Variants in HSD17B6 observed in about 807,000 individuals in gnomAD.
HSD17B6 encodes 17-beta-hydroxysteroid dehydrogenase type 6.
HSD17B6 carries 16 observed loss-of-function variants against 26.4 expected under a neutral mutation model. That is an observed-to-expected ratio of 0.61 (90% CI 0.41 to 0.92). The LOEUF is 0.92. Ranked by LOEUF, HSD17B6 falls within the 40% of genes least tolerant of loss-of-function variation. The pLI, the probability that HSD17B6 is intolerant of heterozygous loss-of-function variation, is 0.00. For missense variants in HSD17B6, 357 were observed against 386.1 expected, an observed-to-expected ratio of 0.92 and a Z score of 0.63; for synonymous variants, 139 against 153.0, an observed-to-expected ratio of 0.91 and a Z score of 0.68.
chr12:56,773,427 T>G (rs1160556169), intron 1 of HSD17B6, among the ~76,000 whole-genome samples: 1 of 152,232 alleles, frequency 6.6e-6, no homozygotes, highest in Non-Finnish European at 1.5e-5. Context: ...TCTGCACTCA[T>G]GCAGAATTGT....
chr12:56,778,348 C>A (rs1019363257), intron 2 of HSD17B6, among the ~76,000 whole-genome samples: 3 of 152,106 alleles, frequency 2.0e-5, no homozygotes, highest in African/African-American at 4.8e-5. Context: ...AGTGCAGTGG[C>A]GCGATCTCAG....
At chr12:56,770,916 G>T (rs1419022111) in intron 1 of HSD17B6, among the ~76,000 whole-genome samples, 6 of 152,138 alleles carry the variant, frequency 3.9e-5, no homozygotes, top group Non-Finnish European at 5.9e-5. Flanking sequence ...CAGCCATTGA[G>T]GTGCATTGCT....
intron 2 of HSD17B6, among the ~76,000 whole-genome samples, chr12:56,774,701 G>A (rs181107348): frequency 1.3e-3 from 200 of 152,272 alleles, no homozygotes; most frequent in African/African-American, 4.7e-3. Flanking sequence ...CAGATCATCA[G>A]GCATTAGATT....
intron 3 of HSD17B6, among the ~76,000 whole-genome samples, chr12:56,784,503 C>T (rs150884945): frequency 2.0e-5 from 3 of 152,188 alleles, no homozygotes; most frequent in Admixed American, 6.5e-5. Flanking sequence ...AGTGAAACCC[C>T]GTCTCCACCA....
In HSD17B6 at chr12:56,773,983, T is replaced by C. The variant is rs144123066; in HGVS notation, c.131T>C (p.Leu44Pro). 1 of 1,613,996 alleles carries C rather than the reference T, an allele frequency of 6.2e-7. No homozygotes were observed. Among genetic ancestry groups the C allele is most frequent in the Non-Finnish European group, 8.5e-7 (1 of 1,180,010 alleles). ...ITGCDSGFGNLLARQLDARGL... is the reference protein window; with the variant it reads ...ITGCDSGFGNPLARQLDARGL... ...GGCTGTGACTCGGGCTTTGGGAACC[T>C]GCTGGCCAGACAGCTGGATGCACGA... is the stretch of plus-strand genomic sequence containing the variant. Residue 44 changes from leucine (L) to proline (P), a missense_variant, in exon 2 of 5, where the codon CTG (leucine) becomes CCG (proline). Physicochemically the swap from Leu to Pro is moderately conservative, Grantham distance 98. Coordinates refer to ENST00000322165, the MANE Select transcript of HSD17B6 (RefSeq NM_003725.4).
rs1274159325 is a variant in HSD17B6, at chr12:56,785,017, G to A, written c.736+1G>A. On this transcript the variant is annotated splice_donor_variant, in intron 4 of 4. Transcript: ENST00000322165. LOFTEE classifies it high-confidence loss of function. ...TATGGACAGCAGTATTTTGATGCCC[G>A]TAAGCTTTTTTCTTTTGATAGGGAT... The A allele has an allele frequency of 8.7e-6, 14 of 1,606,598 alleles. No homozygotes were observed. The highest frequency in any genetic ancestry group is 3.5e-5 in the Admixed American group (2 of 57,684).
chr12:56,777,387 G>A (rs1306069733), intron 2 of HSD17B6, among the ~76,000 whole-genome samples: 1 of 78,698 alleles, frequency 1.3e-5, no homozygotes, highest in Non-Finnish European at 2.5e-5. Context: ...TTTTGGAAAT[G>A]GAGTTTTGCT....
At chr12:56,778,702 TCTCA>T (rs1444664275) in intron 2 of HSD17B6, among the ~76,000 whole-genome samples, 3 of 141,580 alleles carry the variant, frequency 2.1e-5, no homozygotes, top group Non-Finnish European at 4.6e-5. Context: ...TGAGACGGAG[TCTCA>T]CTCAGTCGCC....
At chr12:56,769,066 T>G (rs1954409786) in intron 1 of HSD17B6, among the ~76,000 whole-genome samples, 1 of 145,798 alleles carries the variant, frequency 6.9e-6, no homozygotes, top group African/African-American at 2.5e-5. Flanking sequence ...AAAGATAGGA[T>G]GGGGCTGTGC....
intron 3 of HSD17B6, among the ~76,000 whole-genome samples, chr12:56,783,315 G>C (rs1311551748): frequency 3.2e-4 from 45 of 139,498 alleles, no homozygotes; most frequent in African/African-American, 1.0e-3. Context: ...CAGGCGGGGG[G>C]CTGAGCCCCC....
At chr12:56,768,641 G>C (rs991939551) in intron 1 of HSD17B6, among the ~76,000 whole-genome samples, 14 of 151,956 alleles carry the variant, frequency 9.2e-5, no homozygotes, top group Non-Finnish European at 1.5e-5. Flanking sequence ...TGGAAGGAGA[G>C]CTAGGTAAAC....
chr12:56,779,592 C>T (rs530546822), intron 2 of HSD17B6, among the ~76,000 whole-genome samples: 1 of 151,924 alleles, frequency 6.6e-6, no homozygotes, highest in Non-Finnish European at 1.5e-5. Flanking sequence ...TTCTCTATTT[C>T]TGTTTCCCTA....
chr12:56,773,707 T>A, intron 1 of HSD17B6, 127 bp from the exon 2 acceptor site: 1 of 873,832 alleles, frequency 1.1e-6, no homozygotes. Context: ...CCCTTGAGGG[T>A]AGGACTAAGT....
At chr12:56,772,874 A>C (rs1954509221) in intron 1 of HSD17B6, among the ~76,000 whole-genome samples, 1 of 152,144 alleles carries the variant, frequency 6.6e-6, no homozygotes, top group Admixed American at 6.6e-5. Flanking sequence ...AAGTAGCCAG[A>C]GTGCTGGGGA....
At chr12:56,777,944 C>A (rs190166060) in intron 2 of HSD17B6, among the ~76,000 whole-genome samples, 57 of 152,212 alleles carry the variant, frequency 3.7e-4, no homozygotes, top group African/African-American at 1.4e-3. Flanking sequence ...TAGTTATAGT[C>A]TCTTTGCTGT....
chr12:56,768,029 T>A (rs1177318200), intron 1 of HSD17B6, among the ~76,000 whole-genome samples: 1 of 151,856 alleles, frequency 6.6e-6, no homozygotes, highest in African/African-American at 2.4e-5. Context: ...AAGTTCTCTA[T>A]AACTGTTCAC....
At position 56,773,995 on chromosome 12, in the gene HSD17B6, A is replaced by G. The variant is rs908945808; in HGVS notation, c.143A>G (p.Gln48Arg). 8.7e-6 allele frequency: 14 copies of G among 1,613,998 alleles called. No individual in the cohort carries two copies. In the African/African-American group the frequency reaches 1.5e-4, roughly 17 times the overall value. ...DSGFGNLLAR[Q>R]LDARGLRVLA... ...GGCTTTGGGAACCTGCTGGCCAGAC[A>G]GCTGGATGCACGAGGCTTGAGAGTG... is the stretch of plus-strand genomic sequence containing the variant. Residue 48 changes from glutamine (Q) to arginine (R), a missense_variant, in exon 2 of 5, where the codon CAG becomes CGG. Physicochemically the swap from Gln to Arg is conservative, Grantham distance 43. Transcript: ENST00000322165.
intron 2 of HSD17B6, among the ~76,000 whole-genome samples, chr12:56,778,833 C>A (rs988164982): frequency 4.6e-5 from 7 of 151,782 alleles, no homozygotes; most frequent in Admixed American, 2.0e-4. Context: ...CGCCATCAGG[C>A]CCGGCTAATT....
At position 56,787,491 on chromosome 12, in the gene HSD17B6, T is replaced by C; in HGVS notation, c.*149T>C. ...CTGGCATCATCAGAGTACTAACATG[T>C]TTATATTTCAGATATCCAAAGCTTA... On this transcript the variant is annotated 3_prime_UTR_variant, in exon 5 of 5. Transcript: ENST00000322165. The C allele has an allele frequency of 1.6e-6, 1 of 613,524 alleles. No individual in the cohort carries two copies. The highest frequency in any genetic ancestry group is 2.9e-6 in the Non-Finnish European group (1 of 349,416). 38.0% of individuals were successfully genotyped at this position (613,524 alleles called of 1,614,324 possible).
Sources: allele counts gnomAD v4.1 joint callset (sites outside exome capture counted in the v4.1 genomes callset), GRCh38; gene constraint gnomAD v4.1.1; transcripts MANE v1.5; gene names NCBI Gene and HGNC (gene_info 2026-07-23, HGNC 2026-07-21).